SMYD3: variants seen among roughly 807,000 people sequenced by gnomAD.
The protein encoded by SMYD3 is SET and MYND domain containing 3, also known as histone-lysine N-methyltransferase SMYD3.
Under a neutral mutation model 57.7 loss-of-function variants are expected in SMYD3, and 36 were observed. The observed-to-expected ratio is 0.62, with a 90% CI of 0.48 to 0.82. The LOEUF (loss-of-function observed/expected upper bound fraction) is 0.82, where lower values mean the gene tolerates loss of function less well. Ranked by LOEUF, SMYD3 falls within the 40% of genes least tolerant of loss-of-function variation. The pLI, the probability that SMYD3 is intolerant of heterozygous loss-of-function variation, is 0.00. For synonymous variants in SMYD3, 211 were observed against 195.0 expected (o/e 1.08, Z -0.68); for missense variants, 515 against 538.8 (o/e 0.96, Z 0.44).
chr1:246,140,512 T>C lies in SMYD3; in HGVS notation c.531+186689A>G, dbSNP rs189395696. Among the ~76,000 whole-genome samples, 29 of 152,356 alleles carry C rather than the reference T, an allele frequency of 1.9e-4. No homozygotes were observed. In the East Asian group the frequency reaches 2.1e-3, roughly 11 times the overall value. Reference sequence around the variant, plus strand: ...AGAACGGAAGTGTCCACCATCTTCATTGAAGGAACTGCTCCGTGGTGGATT... The same window carrying C: ...AGAACGGAAGTGTCCACCATCTTCACTGAAGGAACTGCTCCGTGGTGGATT... On this transcript the variant is annotated intron_variant, in intron 5 of 11. Transcript: ENST00000490107.
intron 5 of SMYD3, among the ~76,000 whole-genome samples, chr1:246,129,159 G>A (rs2061551390): frequency 6.6e-6 from 1 of 152,026 alleles, no homozygotes; most frequent in Non-Finnish European, 1.5e-5. Context: ...CAAGGTGCAG[G>A]CAGGGGACAG....
chr1:246,038,428 G>A (rs764547878), intron 5 of SMYD3, among the ~76,000 whole-genome samples: 8 of 151,822 alleles, frequency 5.3e-5, no homozygotes, highest in Non-Finnish European at 1.2e-4. Flanking sequence ...AAAAGCAAAC[G>A]AACAAATGAA....
chr1:245,920,066 C>A (rs763914843), intron 7 of SMYD3, among the ~76,000 whole-genome samples: 1 of 151,426 alleles, frequency 6.6e-6, no homozygotes, highest in African/African-American at 2.4e-5. Flanking sequence ...GTAATCCCAG[C>A]ACTTTGGGAG....
chr1:246,446,768 G>A (rs533983913), intron 1 of SMYD3, among the ~76,000 whole-genome samples: 15 of 152,190 alleles, frequency 9.9e-5, no homozygotes, highest in African/African-American at 2.4e-4. Flanking sequence ...TGTGGCTCAC[G>A]CCTGTAATCC....
intron 5 of SMYD3, among the ~76,000 whole-genome samples, chr1:246,003,222 G>C (rs2059110280): frequency 6.6e-6 from 1 of 152,178 alleles, no homozygotes; most frequent in African/African-American, 2.4e-5. Context: ...GTTCTGTGGG[G>C]CTCCAATTCA....
At chr1:246,267,855 A>C (rs2064140190) in intron 5 of SMYD3, among the ~76,000 whole-genome samples, 1 of 152,188 alleles carries the variant, frequency 6.6e-6, no homozygotes, top group African/African-American at 2.4e-5. Context: ...AGCTCATTTC[A>C]ACAGATTTCT....
chr1:245,904,730 G>A (rs1402409933), intron 8 of SMYD3, among the ~76,000 whole-genome samples: 1 of 152,054 alleles, frequency 6.6e-6, no homozygotes, highest in Non-Finnish European at 1.5e-5. Context: ...GTGGACTTAG[G>A]GGGCATGCGA....
At chr1:246,144,799 C>T (rs1211414653) in intron 5 of SMYD3, among the ~76,000 whole-genome samples, 1 of 152,106 alleles carries the variant, frequency 6.6e-6, no homozygotes, top group Non-Finnish European at 1.5e-5. Flanking sequence ...AGAGATAAAA[C>T]ACTTGGACAC....
chr1:245,956,179 A>T, intron 5 of SMYD3: 1 of 495,976 alleles, frequency 2.0e-6, no homozygotes, highest in Non-Finnish European at 2.6e-6. Context: ...GGGCCTCCCA[A>T]AGTGTTGGGA....
chr1:245,955,401 CT>C (rs979621032), intron 5 of SMYD3, among the ~76,000 whole-genome samples: 2 of 151,306 alleles, frequency 1.3e-5, no homozygotes, highest in African/African-American at 2.4e-5. Context: ...TATGTCTTTT[CT>C]TTTTTTTTGG....
At chr1:246,284,972 T>TTC (rs1553326403) in intron 5 of SMYD3, among the ~76,000 whole-genome samples, 1 of 151,930 alleles carries the variant, frequency 6.6e-6, no homozygotes, top group Non-Finnish European at 1.5e-5. Flanking sequence ...CCTTTTTTTT[T>TTC]TTTATTTCCA....
chr1:246,041,363 C>T (rs1191637017), intron 5 of SMYD3, among the ~76,000 whole-genome samples: 2 of 152,208 alleles, frequency 1.3e-5, no homozygotes, highest in Non-Finnish European at 2.9e-5. Flanking sequence ...GTTTCTCACT[C>T]TCTCTCCTCA....
Position 246,264,904 on chromosome 1 carries a change from A to G in SMYD3, c.531+62297T>C, listed in dbSNP as rs146759596. Reference sequence around the variant, plus strand: ...TTTGTTACTTAATGTTTGCAATTCTATGATGCATACAGAATCAGTCTTATT... The same window carrying G: ...TTTGTTACTTAATGTTTGCAATTCTGTGATGCATACAGAATCAGTCTTATT... On this transcript the variant is annotated intron_variant, in intron 5 of 11. Transcript: ENST00000490107. 6.6e-3 allele frequency among the ~76,000 whole-genome samples: 999 copies of G among 152,360 alleles called. 8 individuals carry two copies. The highest frequency in any genetic ancestry group is 0.022 in the African/African-American group (912 of 41,590).
rs2063120027 is a variant in SMYD3 at position 246,213,487 on chromosome 1, T to C, written c.531+113714A>G. Among the ~76,000 whole-genome samples, 5 of 152,126 alleles carry C rather than the reference T, an allele frequency of 3.3e-5. No homozygotes were observed. In the South Asian group the frequency reaches 1.0e-3, roughly 32 times the overall value. On this transcript the variant is annotated intron_variant, in intron 5 of 11. Transcript: ENST00000490107. ...AAATGGATAGGAGAAAGGCACCCAT[T>C]GCAAAGGAATAACATGAGCAAAACA...
chr1:245,776,830 A>G (rs1572306542), intron 10 of SMYD3, among the ~76,000 whole-genome samples: 1 of 152,252 alleles, frequency 6.6e-6, no homozygotes, highest in Non-Finnish European at 1.5e-5. Context: ...GGTAAACTCC[A>G]CCTCACAAGC....
intron 5 of SMYD3, among the ~76,000 whole-genome samples, chr1:246,324,989 GGCGGGAAGGAGGGAGAAGGAGTCGGGGGA>G (rs2065316053): frequency 1.6e-5 from 2 of 128,224 alleles, no homozygotes; most frequent in East Asian, 2.5e-4. Context: ...GGAGTCAGGG[GGCGGGAAGGAGGGAGAAGGAGTCGGGGGA>G]GCGGGAAGGA....
In SMYD3 at chr1:246,230,423, C is replaced by T. The variant is rs569342670; in HGVS notation, c.531+96778G>A. 1.9e-3 allele frequency among the ~76,000 whole-genome samples: 290 copies of T among 152,166 alleles called. 1 individual carries two copies. The highest frequency in any genetic ancestry group is 0.01 in the Middle Eastern group (3 of 294). On this transcript the variant is annotated intron_variant, in intron 5 of 11. Transcript: ENST00000490107. ...AAAAGAAGTACATAGGAAATGACAA[C>T]GTAAGGAAAATGGGAAAGGGAAGAG...
At chr1:246,153,870 C>T (rs2061980743) in intron 5 of SMYD3, among the ~76,000 whole-genome samples, 1 of 152,286 alleles carries the variant, frequency 6.6e-6, no homozygotes, top group South Asian at 2.1e-4. Context: ...AAAAAAAACC[C>T]TTTATACTTG....
At chr1:246,195,788 G>C (rs1284102617) in intron 5 of SMYD3, among the ~76,000 whole-genome samples, 2 of 152,130 alleles carry the variant, frequency 1.3e-5, no homozygotes, top group Non-Finnish European at 2.9e-5. Flanking sequence ...AATGGGTGAA[G>C]GGTTCTTACA....
Sources: gnomAD v4.1 joint callset for allele counts (sites outside exome capture counted in the v4.1 genomes callset) on GRCh38, gnomAD v4.1.1 for gene constraint, MANE v1.5 for transcripts, NCBI Gene and HGNC (gene_info 2026-07-23, HGNC 2026-07-21) for gene names.